Variants in ELMO1 observed in about 807,000 individuals in gnomAD.
ELMO1 encodes engulfment and cell motility protein 1.
A neutral mutation model predicts 98.9 loss-of-function variants in ELMO1; 26 were observed. The ratio of observed to expected loss-of-function variants is 0.26; its 90% CI spans 0.19 to 0.36. The LOEUF is 0.36. ELMO1 is among the 10% of genes least tolerant of loss of function. The pLI is 1.00. For synonymous variants in ELMO1, 346 were observed against 346.0 expected, an observed-to-expected ratio of 1.00 and a Z score of 0.00; for missense variants, 627 against 935.2, an observed-to-expected ratio of 0.67 and a Z score of 4.30.
chr7:37,347,446 C>A (rs1199944001), intron 1 of ELMO1, among the ~76,000 whole-genome samples: 2 of 152,124 alleles, frequency 1.3e-5, no homozygotes, highest in African/African-American at 4.8e-5. Flanking sequence ...GTAGAAGGGA[C>A]CCGGTGGGAG....
chr7:36,885,814 C>T (rs1202897410), intron 18 of ELMO1, among the ~76,000 whole-genome samples: 1 of 152,170 alleles, frequency 6.6e-6, no homozygotes, highest in Non-Finnish European at 1.5e-5. Flanking sequence ...GCACCAAGTC[C>T]ACTCACTCTG....
intron 2 of ELMO1, among the ~76,000 whole-genome samples, chr7:37,320,607 A>T (rs1324235330): frequency 6.6e-6 from 1 of 152,160 alleles, no homozygotes; most frequent in Non-Finnish European, 1.5e-5. Flanking sequence ...CTGTGTACTT[A>T]GCACATTAAA....
intron 6 of ELMO1, among the ~76,000 whole-genome samples, chr7:37,253,333 T>G (rs1484494108): frequency 6.6e-6 from 1 of 152,102 alleles, no homozygotes; most frequent in Non-Finnish European, 1.5e-5. Flanking sequence ...AACCCAAATG[T>G]CCATCAATGA....
intron 15 of ELMO1, 76 bp from the exon 16 acceptor site, chr7:37,013,511 C>T (rs930882853): frequency 1.7e-5 from 26 of 1,524,200 alleles, no homozygotes; most frequent in South Asian, 2.4e-5. Flanking sequence ...CAGGTATGTG[C>T]CCCAAAGGGA....
At chr7:37,413,885 C>T (rs1271769988) in intron 1 of ELMO1, among the ~76,000 whole-genome samples, 1 of 152,050 alleles carries the variant, frequency 6.6e-6, no homozygotes, top group Non-Finnish European at 1.5e-5. Flanking sequence ...GTCACGTTGC[C>T]TATTCTGGTC....
At chr7:36,908,034 C>T (rs147041699) in intron 16 of ELMO1, among the ~76,000 whole-genome samples, 16 of 152,238 alleles carry the variant, frequency 1.1e-4, no homozygotes, top group Admixed American at 2.6e-4. Context: ...AGTGTTTTTC[C>T]GGGCCTGAAC....
intron 13 of ELMO1, among the ~76,000 whole-genome samples, chr7:37,158,437 C>T (rs902860179): frequency 2.0e-5 from 3 of 151,960 alleles, no homozygotes; most frequent in Non-Finnish European, 4.4e-5. Context: ...CCAGAATTGA[C>T]AAAGTACTTA....
intron 1 of ELMO1, among the ~76,000 whole-genome samples, chr7:37,357,959 TG>T (rs1801554903): frequency 4.6e-5 from 7 of 152,308 alleles, no homozygotes; most frequent in Admixed American, 3.9e-4. Context: ...GGTGCATATT[TG>T]GGGGGAAAGT....
Position 37,164,595 on chromosome 7 carries a change from A to G in ELMO1, c.1087-31361T>C, listed in dbSNP as rs1163675100. Among the ~76,000 whole-genome samples the G allele has an allele frequency of 2.0e-5, 3 of 152,320 alleles. No individual in the cohort carries two copies. The East Asian group carries it at 5.8e-4, about 29-fold the overall frequency. On this transcript the variant is annotated intron_variant, in intron 13 of 21. Transcript: ENST00000310758. Reference sequence around the variant, plus strand: ...CCCAGCACCATTTGTTAAATAGGGAATCCTTTCCCTATTTCTTGTTTTTCT... The same window carrying G: ...CCCAGCACCATTTGTTAAATAGGGAGTCCTTTCCCTATTTCTTGTTTTTCT...
intron 13 of ELMO1, among the ~76,000 whole-genome samples, chr7:37,167,659 T>A (rs1255929363): frequency 6.6e-6 from 1 of 152,212 alleles, no homozygotes; most frequent in Non-Finnish European, 1.5e-5. Flanking sequence ...GAATGTTGAA[T>A]ATTGGCTCCC....
chr7:37,358,755 G>T (rs1232860403), intron 1 of ELMO1, among the ~76,000 whole-genome samples: 1 of 152,164 alleles, frequency 6.6e-6, no homozygotes, highest in Non-Finnish European at 1.5e-5. Context: ...GACAGACCTG[G>T]ACTGGAATGT....
At chr7:37,242,329 C>T (rs1469662297) in intron 7 of ELMO1, among the ~76,000 whole-genome samples, 1 of 152,140 alleles carries the variant, frequency 6.6e-6, no homozygotes, top group Admixed American at 6.5e-5. Flanking sequence ...TCTATTAAGA[C>T]TCCCCATCTG....
At position 37,313,593 on chromosome 7, in the gene ELMO1, T is replaced by C. The variant is rs184760301; in HGVS notation, c.192+1257A>G. Among the ~76,000 whole-genome samples the C allele has an allele frequency of 3.3e-5, 5 of 152,270 alleles. No homozygotes were observed. The East Asian group carries it at 9.7e-4, about 29-fold the overall frequency. ...GACGTGAAGAAGAAAACAGCATCAG[T>C]TACAAAATTCCCAGTGTTCATCTGG... On this transcript the variant is annotated intron_variant, in intron 4 of 21. Coordinates refer to ENST00000310758, the MANE Select transcript of ELMO1 (RefSeq NM_014800.11).
At chr7:37,174,703 C>A (rs567761595) in intron 13 of ELMO1, among the ~76,000 whole-genome samples, 1 of 152,236 alleles carries the variant, frequency 6.6e-6, no homozygotes, top group African/African-American at 2.4e-5. Context: ...ATTCATTGAA[C>A]GGCACTCACT....
chr7:37,256,449 T>C (rs1795646100), intron 6 of ELMO1, among the ~76,000 whole-genome samples: 1 of 151,210 alleles, frequency 6.6e-6, no homozygotes, highest in Non-Finnish European at 1.5e-5. Flanking sequence ...AAAAAATGTT[T>C]TCACTAGTAC....
At chr7:36,867,963 AAGG>A (rs1332625142) in intron 20 of ELMO1, among the ~76,000 whole-genome samples, 3 of 152,120 alleles carry the variant, frequency 2.0e-5, no homozygotes, top group Non-Finnish European at 4.4e-5. Flanking sequence ...TGAGCTTGTG[AAGG>A]ATGTGTATTC....
In ELMO1 at chr7:36,853,334, AG is replaced by A. The variant is rs1801978269; in HGVS notation, c.*2216del. 6.6e-6 allele frequency among the ~76,000 whole-genome samples: 1 copy of A among 152,220 alleles called. No homozygotes were observed. The highest frequency in any genetic ancestry group is 1.5e-5 in the Non-Finnish European group (1 of 68,040). ...GCTGGATCTCCCCAACCAAGGTCAC[AG>A]GACAGATACATTTCTTAAACCCAGT... On this transcript the variant is annotated 3_prime_UTR_variant, in exon 22 of 22. Coordinates refer to ENST00000310758, the MANE Select transcript of ELMO1 (RefSeq NM_014800.11).
intron 16 of ELMO1, among the ~76,000 whole-genome samples, chr7:36,967,299 T>C (rs1415752262): frequency 6.6e-6 from 1 of 152,112 alleles, no homozygotes; most frequent in Non-Finnish European, 1.5e-5. Flanking sequence ...ATGTATTCCA[T>C]AAAAATGACA....
At chr7:36,943,795 C>G (rs769967214) in intron 16 of ELMO1, among the ~76,000 whole-genome samples, 4 of 152,296 alleles carry the variant, frequency 2.6e-5, no homozygotes, top group Non-Finnish European at 4.4e-5. Flanking sequence ...AACCTTAACC[C>G]CAGTTCTGAA....
Sources: gnomAD v4.1 joint callset for allele counts (sites outside exome capture counted in the v4.1 genomes callset) on GRCh38, gnomAD v4.1.1 for gene constraint, MANE v1.5 for transcripts, NCBI Gene and HGNC (gene_info 2026-07-23, HGNC 2026-07-21) for gene names.